ZMYM2: variants seen among roughly 807,000 people sequenced by gnomAD.
ZMYM2 encodes zinc finger MYM-type protein 2.
ZMYM2 carries 56 observed loss-of-function variants against 162.8 expected under a neutral mutation model. The observed-to-expected ratio is 0.34, with a 90% CI of 0.28 to 0.43. The LOEUF (loss-of-function observed/expected upper bound fraction) is 0.43. ZMYM2 is among the 20% of genes least tolerant of loss of function. The pLI, the probability that ZMYM2 is intolerant of heterozygous loss-of-function variation, is 1.00. For synonymous variants in ZMYM2, 510 were observed against 541.6 expected (o/e 0.94, Z 0.81); for missense variants, 1,275 against 1,621.8 (o/e 0.79, Z 3.67).
intron 6 of ZMYM2, among the ~76,000 whole-genome samples, chr13:20,012,479 T>C (rs184140191): frequency 2.6e-5 from 4 of 152,292 alleles, no homozygotes; most frequent in Admixed American, 2.6e-4. Context: ...CACGCCCAGC[T>C]GGAAGTCTTA....
At chr13:20,014,211 C>G (rs1020557891) in intron 6 of ZMYM2, among the ~76,000 whole-genome samples, 2 of 152,008 alleles carry the variant, frequency 1.3e-5, no homozygotes, top group Non-Finnish European at 2.9e-5. Flanking sequence ...GTAGCTGGGA[C>G]TACAGGCGCC....
At chr13:19,950,289 A>C in the ZMYM2 span, among the ~76,000 whole-genome samples, 1 of 152,220 alleles carries the variant, frequency 6.6e-6, no homozygotes, top group Non-Finnish European at 1.5e-5. Context: ...AGATGTAATG[A>C]TTCACAACTT....
the ZMYM2 span, among the ~76,000 whole-genome samples, chr13:19,906,993 T>C: frequency 3.3e-5 from 5 of 152,194 alleles, no homozygotes; most frequent in African/African-American, 1.2e-4. Context: ...CCCAAAATGC[T>C]GGGATTACAG....
At chr13:20,081,670 C>T (rs997677188) in intron 21 of ZMYM2, among the ~76,000 whole-genome samples, 1 of 151,854 alleles carries the variant, frequency 6.6e-6, no homozygotes, top group African/African-American at 2.4e-5. Flanking sequence ...GAAAAAAACA[C>T]TTTTATTTTA....
rs186459464 is a variant in ZMYM2, at chr13:20,079,029, T to A, written c.3454-2987T>A. Among the ~76,000 whole-genome samples, 318 of 151,166 alleles carry A rather than the reference T, an allele frequency of 2.1e-3. 2 individuals carry two copies. Among genetic ancestry groups the A allele is most frequent in the African/African-American group, 7.2e-3 (299 of 41,322 alleles). ...AATTTATATTTAAAAAAAAAAAAGA[T>A]ACTTTTATTGGCTGGGCGCGGTGTC... On this transcript the variant is annotated intron_variant, in intron 21 of 24. Transcript: ENST00000610343.
intron 6 of ZMYM2, among the ~76,000 whole-genome samples, chr13:20,017,329 A>C (rs1396034524): frequency 6.6e-6 from 1 of 152,168 alleles, no homozygotes; most frequent in Non-Finnish European, 1.5e-5. Flanking sequence ...CTGTTGTCTT[A>C]CTGTTTCTCT....
intron 12 of ZMYM2, among the ~76,000 whole-genome samples, chr13:20,051,164 C>T (rs1466866400): frequency 2.0e-5 from 3 of 151,484 alleles, no homozygotes; most frequent in Admixed American, 6.6e-5. Flanking sequence ...TTCATTTGGT[C>T]TACCAATATA....
At chr13:19,915,415 TTTTCTTTCTTTC>T in the ZMYM2 span, among the ~76,000 whole-genome samples, 1 of 148,280 alleles carries the variant, frequency 6.7e-6, no homozygotes, top group Non-Finnish European at 1.5e-5. Context: ...CTTGCTTGCT[TTTTCTTTCTTTC>T]TTTCTTTCTT....
upstream of ZMYM2, among the ~76,000 whole-genome samples, chr13:19,953,744 C>T (rs1014433039): frequency 1.4e-5 from 2 of 146,526 alleles, no homozygotes; most frequent in Non-Finnish European, 3.0e-5. Context: ...CTCTCAGTTT[C>T]TGATATCATC....
the ZMYM2 span, among the ~76,000 whole-genome samples, chr13:19,949,874 G>A: frequency 8.9e-5 from 12 of 134,844 alleles, no homozygotes; most frequent in East Asian, 4.3e-4. Flanking sequence ...GTGACAGAGC[G>A]AGACTTTGTC....
intron 12 of ZMYM2, among the ~76,000 whole-genome samples, chr13:20,044,134 A>C (rs111606423): frequency 9.2e-5 from 14 of 152,164 alleles, no homozygotes; most frequent in African/African-American, 3.4e-4. Context: ...GAGCAAGTTG[A>C]TTCTAGGTGG....
intron 3 of ZMYM2, among the ~76,000 whole-genome samples, chr13:19,998,711 A>G (rs930246724): frequency 2.6e-5 from 4 of 152,176 alleles, no homozygotes; most frequent in African/African-American, 9.7e-5. Context: ...AAGGGGTATG[A>G]ATACAGTCAG....
rs773176487 is a variant in ZMYM2, at chr13:20,031,317, A to G, written c.1852-2A>G. The stretch of plus-strand genomic sequence containing the variant: ...CTTAGTATCTTTTGTTCTTTGTTTT[A>G]GGCTCTAAGTATGCAGTCATCTCCA... On this transcript the variant is annotated splice_acceptor_variant, in intron 9 of 24. Coordinates refer to ENST00000610343, the MANE Select transcript of ZMYM2 (RefSeq NM_197968.4). LOFTEE classifies it high-confidence loss of function. The G allele has an allele frequency of 6.3e-7, 1 of 1,597,718 alleles. No individual in the cohort carries two copies. Among genetic ancestry groups the G allele is most frequent in the Admixed American group, 1.8e-5 (1 of 55,494 alleles).
rs1321745699 is a variant in ZMYM2 at position 19,973,798 on chromosome 13, G to C, written c.-11+13772G>C. ...CCGTGCTGCCTAGGAGGTCTTTTGAGTGTGGCTCAACACAAATTTGTAAAC... is the reference window on the plus strand; with the variant it reads ...CCGTGCTGCCTAGGAGGTCTTTTGACTGTGGCTCAACACAAATTTGTAAAC... On this transcript the variant is annotated intron_variant, in intron 2 of 24. Transcript: ENST00000610343. Among the ~76,000 whole-genome samples the C allele has an allele frequency of 2.0e-5, 3 of 151,868 alleles. No homozygotes were observed. The East Asian group carries it at 5.8e-4, about 29-fold the overall frequency.
At chr13:19,980,752 C>CAAA (rs914320015) in intron 2 of ZMYM2, among the ~76,000 whole-genome samples, 24 of 31,178 alleles carry the variant, frequency 7.7e-4, no homozygotes, top group Middle Eastern at 0.012. Flanking sequence ...GACTCCATCT[C>CAAA]AAAAAAAAAA....
chr13:20,034,157 A>G, intron 10 of ZMYM2, 97 bp from the exon 11 acceptor site: 1 of 1,128,742 alleles, frequency 8.9e-7, no homozygotes, highest in Non-Finnish European at 1.2e-6. Context: ...CTTAACATTA[A>G]ATAGGTAAAT....
chr13:20,024,004 G>C (rs2140224914), intron 7 of ZMYM2, among the ~76,000 whole-genome samples: 1 of 150,360 alleles, frequency 6.7e-6, no homozygotes, highest in Non-Finnish European at 1.5e-5. Context: ...GCACGATCTT[G>C]GTTCACTGCA....
intron 2 of ZMYM2, among the ~76,000 whole-genome samples, chr13:19,981,627 A>T (rs1942906080): frequency 6.6e-6 from 1 of 152,138 alleles, no homozygotes; most frequent in South Asian, 2.1e-4. Context: ...TAACATGGAG[A>T]AGTACCTTTT....
At chr13:20,062,058 A>G (rs1956274492) in intron 17 of ZMYM2, among the ~76,000 whole-genome samples, 2 of 152,098 alleles carry the variant, frequency 1.3e-5, no homozygotes, top group Non-Finnish European at 2.9e-5. Context: ...CTCTCTTGAT[A>G]CCCAAAGTCC....
Sources: gnomAD v4.1 joint callset for allele counts (sites outside exome capture counted in the v4.1 genomes callset) on GRCh38, gnomAD v4.1.1 for gene constraint, MANE v1.5 for transcripts, NCBI Gene and HGNC (gene_info 2026-07-23, HGNC 2026-07-21) for gene names.